The following NAV2 variants were observed in gnomAD, a reference collection of about 807,000 sequenced individuals.
NAV2 encodes neuron navigator 2, also known as helicase, APC down-regulated 1.
A neutral mutation model predicts 223.2 loss-of-function variants in NAV2; 54 were observed. The ratio of observed to expected loss-of-function variants is 0.24; its 90% CI spans 0.19 to 0.30. The LOEUF is 0.30. Ranked by LOEUF, NAV2 falls within the 10% of genes least tolerant of loss-of-function variation. The pLI is 1.00. For synonymous variants in NAV2, 1,279 were observed against 1,239.3 expected (o/e 1.03, Z -0.67); for missense variants, 2,806 against 3,147.5 (o/e 0.89, Z 2.60).
At chr11:19,881,240 G>T (rs1340564825) in intron 5 of NAV2, among the ~76,000 whole-genome samples, 1 of 152,160 alleles carries the variant, frequency 6.6e-6, no homozygotes, top group South Asian at 2.1e-4. Flanking sequence ...TGCAAATCAG[G>T]TCCCATAATT....
At chr11:19,431,028 C>T (rs951329421) in intron 1 of NAV2, among the ~76,000 whole-genome samples, 32 of 152,328 alleles carry the variant, frequency 2.1e-4, no homozygotes, top group African/African-American at 7.5e-4. Context: ...GCCTGCTAAA[C>T]CTTTATAATG....
Position 20,088,641 on chromosome 11 carries a change from G to C in NAV2, c.5499-2224G>C, listed in dbSNP as rs1300973852. On this transcript the variant is annotated intron_variant, in intron 26 of 37. Transcript: ENST00000349880. ...AGTTTGGTACCGTTTGTAAAGTCAA[G>C]GGTTTAGGCCAAGCTCTGCAAAGTA... is the stretch of plus-strand genomic sequence containing the variant. Among the ~76,000 whole-genome samples the C allele has an allele frequency of 1.1e-4, 16 of 152,316 alleles. No individual in the cohort carries two copies. In the East Asian group the frequency reaches 2.9e-3, roughly 28 times the overall value.
chr11:19,401,136 G>A (rs1236903217), intron 1 of NAV2, among the ~76,000 whole-genome samples: 4 of 152,220 alleles, frequency 2.6e-5, no homozygotes, highest in South Asian at 2.1e-4. Flanking sequence ...AGACGTTTGT[G>A]GGTTGTAGCC....
chr11:19,692,550 T>C (rs1366654353), intron 1 of NAV2, among the ~76,000 whole-genome samples: 1 of 152,226 alleles, frequency 6.6e-6, no homozygotes, highest in Non-Finnish European at 1.5e-5. Context: ...TTTGAGTCCT[T>C]GTTGTTGCAA....
chr11:19,605,976 C>T (rs1264076034), intron 1 of NAV2, among the ~76,000 whole-genome samples: 4 of 152,128 alleles, frequency 2.6e-5, no homozygotes, highest in Admixed American at 2.0e-4. Context: ...GGAATCATAC[C>T]GTTTCAGACG....
At chr11:19,601,896 G>C (rs1181313665) in intron 1 of NAV2, among the ~76,000 whole-genome samples, 2 of 152,316 alleles carry the variant, frequency 1.3e-5, no homozygotes, top group South Asian at 2.1e-4. Context: ...AAAATCATCA[G>C]GGCATATGAT....
intron 1 of NAV2, among the ~76,000 whole-genome samples, chr11:19,789,618 C>G (rs1487874359): frequency 1.3e-5 from 2 of 152,112 alleles, no homozygotes; most frequent in Non-Finnish European, 2.9e-5. Context: ...ATATTCAGGT[C>G]TTATCGTGAA....
At chr11:19,984,359 G>C in intron 11 of NAV2, 112 bp downstream of exon 11, 1 of 1,512,734 alleles carries the variant, frequency 6.6e-7, no homozygotes, top group Non-Finnish European at 9.0e-7. Context: ...CCCACAGAGA[G>C]GGAGGGGAGG....
rs117933978 is a variant in NAV2, at chr11:19,354,377, T to C, written c.75+3350T>C. On this transcript the variant is annotated intron_variant, in intron 1 of 37. Coordinates refer to the NAV2 transcript ENST00000360655. ...ACTAGTGTGGCCAAATTTTAAATTT[T>C]ATTGAGTTATAATTAGTTTAAACTT... Among the ~76,000 whole-genome samples, 67 of 152,380 alleles carry C rather than the reference T, an allele frequency of 4.4e-4. 2 individuals are homozygous for C. In the East Asian group the frequency reaches 0.012, roughly 26 times the overall value.
rs141858426 is a variant in NAV2 at position 19,854,268 on chromosome 11, T to C, written c.438+11345T>C. Among the ~76,000 whole-genome samples, 929 of 152,266 alleles carry C rather than the reference T, an allele frequency of 6.1e-3. 28 individuals are homozygous for C. Among genetic ancestry groups the C allele is most frequent in the Admixed American group, 0.055 (835 of 15,294 alleles). On this transcript the variant is annotated intron_variant, in intron 3 of 37. Transcript: ENST00000349880. ...CGTGAAGTGGAACTTAGCAGGGAAATCCTGTTTGGACGTTGTAAGGCATGG... is the reference window on the plus strand; with the variant it reads ...CGTGAAGTGGAACTTAGCAGGGAAACCCTGTTTGGACGTTGTAAGGCATGG...
intron 1 of NAV2, among the ~76,000 whole-genome samples, chr11:19,801,592 C>G (rs1165027521): frequency 6.6e-6 from 1 of 152,140 alleles, no homozygotes; most frequent in African/African-American, 2.4e-5. Flanking sequence ...CATGGACCTC[C>G]TAGCCCTGAG....
intron 1 of NAV2, among the ~76,000 whole-genome samples, chr11:19,427,505 T>C (rs528354378): frequency 6.6e-6 from 1 of 152,366 alleles, no homozygotes; most frequent in South Asian, 2.1e-4. Flanking sequence ...CTCACTTTCA[T>C]CTTCAGAATC....
chr11:20,067,708 T>G (rs2059140354), intron 20 of NAV2, among the ~76,000 whole-genome samples: 1 of 151,382 alleles, frequency 6.6e-6, no homozygotes, highest in Admixed American at 6.6e-5. Flanking sequence ...CAGGCTGGTC[T>G]TCAACTCCTG....
intron 1 of NAV2, among the ~76,000 whole-genome samples, chr11:19,590,662 A>C (rs1428914405): frequency 6.6e-6 from 1 of 152,212 alleles, no homozygotes; most frequent in Non-Finnish European, 1.5e-5. Context: ...TGGTAAAGGC[A>C]AACCAGGGCA....
intron 37 of NAV2, among the ~76,000 whole-genome samples, chr11:20,117,110 A>AC (rs2063170259): frequency 6.6e-6 from 1 of 152,184 alleles, no homozygotes; most frequent in South Asian, 2.1e-4. Flanking sequence ...GCCCAGCTGC[A>AC]CCACATCTTG....
At chr11:19,519,096 G>T (rs1267782106) in intron 1 of NAV2, among the ~76,000 whole-genome samples, 1 of 152,198 alleles carries the variant, frequency 6.6e-6, no homozygotes, top group Non-Finnish European at 1.5e-5. Context: ...AAGCCACCCA[G>T]TCTATGGTAT....
upstream of NAV2, among the ~76,000 whole-genome samples, chr11:19,709,251 A>C (rs2049778486): frequency 6.6e-6 from 1 of 152,174 alleles, no homozygotes. Context: ...AAATATCTAA[A>C]AGGAGATAGG....
intron 1 of NAV2, among the ~76,000 whole-genome samples, chr11:19,574,257 C>G (rs975052647): frequency 3.9e-5 from 6 of 152,022 alleles, no homozygotes; most frequent in South Asian, 2.1e-4. Context: ...TGTGATTAGC[C>G]CAGGTGCAAA....
intron 1 of NAV2, among the ~76,000 whole-genome samples, chr11:19,795,597 A>G (rs1243005781): frequency 6.6e-6 from 1 of 152,250 alleles, no homozygotes; most frequent in Non-Finnish European, 1.5e-5. Context: ...AGTTTGTGAA[A>G]CAGAGATTTA....
Sources: gnomAD v4.1 joint callset for allele counts (sites outside exome capture counted in the v4.1 genomes callset) on GRCh38, gnomAD v4.1.1 for gene constraint, MANE v1.5 for transcripts, NCBI Gene and HGNC (gene_info 2026-07-23, HGNC 2026-07-21) for gene names.